The following FAM133A variants were observed in gnomAD, a reference collection of about 807,000 sequenced individuals.
FAM133A encodes family with sequence similarity 133 member A, also known as protein FAM133A.
For synonymous variants in FAM133A, 65 were observed against 58.6 expected (o/e 1.11, Z -0.50); for missense variants, 159 against 164.4 (o/e 0.97, Z 0.18).
chrX:93,686,390 G>A (rs1043076002), intron 2 of FAM133A, among the ~76,000 whole-genome samples: 6 of 111,853 alleles, frequency 5.4e-5, no homozygotes, highest in African/African-American at 2.0e-4. Context: ...CAAATACAAA[G>A]TCTTCTTTTC....
rs752173860 is a variant in FAM133A at position 93,709,691 on chromosome X, GAGAA to G, written c.282_285del (p.Lys95ArgfsTer62). ...GGAAATGAGAGCTCATCTAAAAAAAGAGAAAGAAAGAAAAAGAGAAAGAAGAAAT... is the reference window on the plus strand; with the variant it reads ...GGAAATGAGAGCTCATCTAAAAAAAGAGAAAGAAAAAGAGAAAGAAGAAAT... On this transcript the variant is annotated frameshift_variant, in exon 4 of 4. Coordinates refer to ENST00000683942, the MANE Select transcript of FAM133A (RefSeq NM_001171109.2). LOFTEE classifies it low-confidence loss of function (END_TRUNC). 1.1e-5 allele frequency: 13 copies of G among 1,193,580 alleles called. No individual in the cohort carries two copies. Among genetic ancestry groups the G allele is most frequent in the South Asian group, 3.8e-5 (2 of 53,180 alleles).
At chrX:93,702,094 A>G (rs910156273) in intron 3 of FAM133A, among the ~76,000 whole-genome samples, 2 of 112,005 alleles carry the variant, frequency 1.8e-5, no homozygotes, top group Non-Finnish European at 3.8e-5. Flanking sequence ...TAAACTTAAT[A>G]TGTGATCGAA....
intron 2 of FAM133A, among the ~76,000 whole-genome samples, chrX:93,695,791 G>A (rs910914451): frequency 4.6e-5 from 5 of 107,830 alleles, no homozygotes; most frequent in Middle Eastern, 4.3e-3. Flanking sequence ...ATAGGCGCCC[G>A]CCACCACGCC....
At chrX:93,705,622 T>C (rs1052974066) in intron 3 of FAM133A, among the ~76,000 whole-genome samples, 1 of 111,328 alleles carries the variant, frequency 9.0e-6, no homozygotes, top group Non-Finnish European at 1.9e-5. Context: ...AAGGCTATTA[T>C]GTGAGAAATA....
chrX:93,709,806 AAGG>A lies in FAM133A; in HGVS notation c.390_392del (p.Arg131del). 8.4e-7 allele frequency: 1 copy of A among 1,195,972 alleles called. No homozygotes were observed. On this transcript the variant is annotated inframe_deletion, in exon 4 of 4. Transcript: ENST00000683942. ...AGGATGAGGAAAAGAAACAAGGAAA[AAGG>A]AGAAAGAAAAAGAAGAACCGTTCAT...
At chrX:93,692,221 G>A (rs1291753227) in intron 2 of FAM133A, among the ~76,000 whole-genome samples, 5 of 111,471 alleles carry the variant, frequency 4.5e-5, no homozygotes, top group Admixed American at 9.6e-5. Flanking sequence ...ATGTCGTGTT[G>A]CCACTCAGAA....
At chrX:93,692,198 A>G (rs1025275917) in intron 2 of FAM133A, among the ~76,000 whole-genome samples, 3 of 111,737 alleles carry the variant, frequency 2.7e-5, no homozygotes, top group African/African-American at 9.7e-5. Context: ...GCTCCAATGA[A>G]TATTTCCTGG....
At chrX:93,680,641 C>G in intron 2 of FAM133A, among the ~76,000 whole-genome samples, 1 of 111,619 alleles carries the variant, frequency 9.0e-6, no homozygotes, top group East Asian at 2.8e-4. Context: ...GCTGTCCTAA[C>G]AGGCATGAGA....
chrX:93,705,625 G>A (rs1011360584), intron 3 of FAM133A, among the ~76,000 whole-genome samples: 3 of 110,954 alleles, frequency 2.7e-5, no homozygotes, highest in African/African-American at 9.8e-5. Flanking sequence ...GCTATTATGT[G>A]AGAAATACTT....
chrX:93,695,429 G>C (rs1198697907), intron 2 of FAM133A, among the ~76,000 whole-genome samples: 1 of 102,497 alleles, frequency 9.8e-6, no homozygotes, highest in East Asian at 3.2e-4. Context: ...AATTTTTCTA[G>C]TTTTAGTAGA....
At chrX:93,680,991 T>C (rs1925103469) in intron 2 of FAM133A, among the ~76,000 whole-genome samples, 1 of 111,106 alleles carries the variant, frequency 9.0e-6, no homozygotes, top group African/African-American at 3.3e-5. Context: ...TAGTTTTGAA[T>C]GTACAAACAG....
At chrX:93,697,167 TTA>T (rs767010042) in intron 2 of FAM133A, among the ~76,000 whole-genome samples, 6,214 of 93,589 alleles carry the variant, frequency 0.066, 337 homozygotes, top group African/African-American at 0.18. Flanking sequence ...TATAGGCAAG[TTA>T]TATATATATA....
intron 2 of FAM133A, among the ~76,000 whole-genome samples, chrX:93,690,476 G>A (rs1392651631): frequency 9.0e-6 from 1 of 111,401 alleles, no homozygotes; most frequent in Non-Finnish European, 1.9e-5. Context: ...GAATCATACA[G>A]TATATTCCTC....
intron 3 of FAM133A, among the ~76,000 whole-genome samples, chrX:93,702,869 A>AAC (rs1569353113): frequency 1.4e-4 from 12 of 83,261 alleles, no homozygotes; most frequent in Admixed American, 3.9e-4. Flanking sequence ...AAAAAAAAAA[A>AAC]ACAACACTAG....
chrX:93,711,044 T>C lies in FAM133A; in HGVS notation c.*878T>C. The C allele has an allele frequency of 8.1e-6, 1 of 123,297 alleles. No homozygotes were observed. The highest frequency in any genetic ancestry group is 9.6e-5 in the Admixed American group (1 of 10,468). 10.2% of individuals were successfully genotyped at this position (123,297 alleles called of 1,213,427 possible). On this transcript the variant is annotated 3_prime_UTR_variant, in exon 4 of 4. Transcript: ENST00000683942. Reference sequence around the variant, plus strand: ...AAGTTTTAATTATCTGACCATATTCTATATAACTGATGATCCTTTTTTAAG... The same window carrying C: ...AAGTTTTAATTATCTGACCATATTCCATATAACTGATGATCCTTTTTTAAG...
chrX:93,691,354 T>C (rs1053585763), intron 2 of FAM133A, among the ~76,000 whole-genome samples: 1 of 112,014 alleles, frequency 8.9e-6, no homozygotes, highest in Non-Finnish European at 1.9e-5. Flanking sequence ...CTAATTTCTT[T>C]CTTTTCAAAA....
chrX:93,696,597 G>C (rs1016879768), intron 2 of FAM133A, among the ~76,000 whole-genome samples: 13 of 110,551 alleles, frequency 1.2e-4, no homozygotes, highest in African/African-American at 3.7e-4. Flanking sequence ...CATAGGGGGA[G>C]GGGAAACTAA....
intron 2 of FAM133A, among the ~76,000 whole-genome samples, chrX:93,688,320 T>A (rs2147609457): frequency 9.0e-6 from 1 of 111,105 alleles, no homozygotes; most frequent in East Asian, 2.8e-4. Flanking sequence ...AAATCTCTCA[T>A]GTTTTAATAT....
In FAM133A at chrX:93,704,856, C is replaced by T. The variant is rs777867898; in HGVS notation, c.-103-4461C>T. 3.6e-5 allele frequency among the ~76,000 whole-genome samples: 4 copies of T among 111,405 alleles called. No homozygotes were observed. The East Asian group carries it at 1.1e-3, about 32-fold the overall frequency. On this transcript the variant is annotated intron_variant, in intron 3 of 3. Transcript: ENST00000683942. ...TTTCCTTTGTACCTCAAGGCCTTAG[C>T]ATCTGATATTCCTTCTGATTGGGGC...
Sources: gnomAD v4.1 joint callset for allele counts (sites outside exome capture counted in the v4.1 genomes callset) on GRCh38, gnomAD v4.1.1 for gene constraint, MANE v1.5 for transcripts, NCBI Gene and HGNC (gene_info 2026-07-23, HGNC 2026-07-21) for gene names.